The following FAM227A variants were observed in gnomAD, a reference collection of about 807,000 sequenced individuals.
FAM227A encodes family with sequence similarity 227 member A.
FAM227A carries 80 observed loss-of-function variants against 74.7 expected under a neutral mutation model. The observed-to-expected ratio is 1.07, with a 90% CI of 0.89 to 1.29. The LOEUF (loss-of-function observed/expected upper bound fraction) is 1.29. FAM227A is among the 50% of genes most tolerant of loss of function. The pLI is 0.00. For synonymous variants in FAM227A, 237 were observed against 241.8 expected (o/e 0.98, Z 0.19); for missense variants, 654 against 683.4 (o/e 0.96, Z 0.48).
Position 38,579,800 on chromosome 22 carries a change from C to T in FAM227A, c.*6325G>A, listed in dbSNP as rs748133411. On this transcript the variant is annotated 3_prime_UTR_variant, in exon 17 of 17. Coordinates refer to ENST00000535113, the MANE Select transcript of FAM227A (RefSeq NM_001013647.2). ...AAATATAACCATAATGCTATTATCA[C>T]GCCTAGAATAATTTTATATATAAAA... is the stretch of plus-strand genomic sequence containing the variant. 1.9e-4 allele frequency: 29 copies of T among 152,068 alleles called. No homozygotes were observed. Among genetic ancestry groups the T allele is most frequent in the African/African-American group, 4.3e-4 (18 of 41,408 alleles). 9.4% of individuals were successfully genotyped at this position (152,068 alleles called of 1,614,324 possible). A position where few individuals can be genotyped will look rare whatever the true frequency, so the allele number is the denominator to read the frequency against.
chr22:38,586,888 C>T (rs1015700593), intron 16 of FAM227A, among the ~76,000 whole-genome samples: 2 of 151,542 alleles, frequency 1.3e-5, no homozygotes, highest in African/African-American at 2.4e-5. Flanking sequence ...CTATGTTGAC[C>T]AAGATAGTCT....
intron 11 of FAM227A, 112 bp downstream of exon 11, chr22:38,620,100 A>C: frequency 1.4e-6 from 1 of 711,634 alleles, no homozygotes; most frequent in Admixed American, 2.7e-5. Flanking sequence ...GACCTGGGCA[A>C]GGGGTACAGA....
At chr22:38,623,421 T>A in intron 9 of FAM227A, 142 bp from the exon 10 acceptor site, 1 of 568,946 alleles carries the variant, frequency 1.8e-6, no homozygotes, top group Non-Finnish European at 3.2e-6. Flanking sequence ...CCGTCTCTAT[T>A]TAAAAAGAAA....
chr22:38,626,435 A>C (rs2091802136), intron 8 of FAM227A, 132 bp from the exon 9 acceptor site: 2 of 1,141,170 alleles, frequency 1.8e-6, no homozygotes, highest in Admixed American at 2.9e-5. Flanking sequence ...CAAGGTTCTC[A>C]CTGTGTTACC....
At chr22:38,655,360 T>C (rs2092378327) in intron 1 of FAM227A, among the ~76,000 whole-genome samples, 1 of 151,260 alleles carries the variant, frequency 6.6e-6, no homozygotes, top group Non-Finnish European at 1.5e-5. Context: ...TGAAACGCCA[T>C]CTCTACTAAA....
At chr22:38,610,334 G>T (rs2091385363) in intron 11 of FAM227A, among the ~76,000 whole-genome samples, 1 of 152,144 alleles carries the variant, frequency 6.6e-6, no homozygotes, top group African/African-American at 2.4e-5. Context: ...AACCTGGCAA[G>T]GCTCATTCTT....
intron 16 of FAM227A, among the ~76,000 whole-genome samples, chr22:38,589,181 T>C (rs566875283): frequency 4.6e-5 from 7 of 151,900 alleles, no homozygotes; most frequent in African/African-American, 7.3e-5. Flanking sequence ...GAGGCAGAGA[T>C]TGGAGTGAGG....
intron 16 of FAM227A, 168 bp downstream of exon 16, chr22:38,591,267 T>G: frequency 6.2e-6 from 8 of 1,284,776 alleles, no homozygotes; most frequent in East Asian, 3.0e-5. Flanking sequence ...GAGGCTGCAG[T>G]GAGCTATGAT....
chr22:38,619,571 G>A (rs2091644132), intron 11 of FAM227A, among the ~76,000 whole-genome samples: 1 of 152,196 alleles, frequency 6.6e-6, no homozygotes, highest in African/African-American at 2.4e-5. Context: ...TGATCTGCCT[G>A]CCTTGGGCTC....
At chr22:38,606,826 CCT>C (rs2091293896) in intron 12 of FAM227A, among the ~76,000 whole-genome samples, 1 of 152,140 alleles carries the variant, frequency 6.6e-6, no homozygotes, top group Non-Finnish European at 1.5e-5. Flanking sequence ...GTGTCAGTAA[CCT>C]CTCTTCCCCA....
intron 11 of FAM227A, among the ~76,000 whole-genome samples, chr22:38,619,947 G>A (rs2091652060): frequency 6.6e-6 from 1 of 152,186 alleles, no homozygotes; most frequent in African/African-American, 2.4e-5. Flanking sequence ...ATCTTGCACT[G>A]CAGCCTACAC....
intron 11 of FAM227A, among the ~76,000 whole-genome samples, chr22:38,611,317 T>C (rs2091409314): frequency 1.3e-5 from 2 of 152,218 alleles, no homozygotes; most frequent in East Asian, 3.9e-4. Flanking sequence ...AAATTTGAGC[T>C]ACTATGAGAT....
At chr22:38,613,209 T>C in intron 11 of FAM227A, among the ~76,000 whole-genome samples, 1 of 71,862 alleles carries the variant, frequency 1.4e-5, no homozygotes, top group Non-Finnish European at 2.4e-5. Flanking sequence ...ATATTATATA[T>C]ATCTATGCTG....
chr22:38,640,906 G>GTA (rs1275038186), intron 3 of FAM227A, among the ~76,000 whole-genome samples: 1 of 152,072 alleles, frequency 6.6e-6, no homozygotes, highest in African/African-American at 2.4e-5. Flanking sequence ...AGGGGTGTGT[G>GTA]TATGTGTGTG....
At chr22:38,630,427 C>T (rs545459236) in intron 6 of FAM227A, among the ~76,000 whole-genome samples, 13 of 152,344 alleles carry the variant, frequency 8.5e-5, no homozygotes, top group Admixed American at 8.5e-4. Flanking sequence ...TCAAATCCAG[C>T]TCTTTCACTT....
chr22:38,638,426 C>T (rs979519776), intron 5 of FAM227A, among the ~76,000 whole-genome samples: 1 of 152,202 alleles, frequency 6.6e-6, no homozygotes, highest in Non-Finnish European at 1.5e-5. Flanking sequence ...AGCAGCTGCA[C>T]AGGAGCCTGC....
intron 6 of FAM227A, among the ~76,000 whole-genome samples, chr22:38,634,410 T>C (rs144113357): frequency 6.6e-6 from 1 of 152,164 alleles, no homozygotes; most frequent in Admixed American, 6.5e-5. Context: ...CCTCTATTAT[T>C]GACCATTAAA....
intron 11 of FAM227A, among the ~76,000 whole-genome samples, chr22:38,619,739 G>T (rs932242069): frequency 6.6e-6 from 1 of 152,178 alleles, no homozygotes; most frequent in Non-Finnish European, 1.5e-5. Flanking sequence ...ACCTGAGGGA[G>T]ACCAGTTAGG....
At chr22:38,617,420 C>A (rs5757180) in intron 11 of FAM227A, among the ~76,000 whole-genome samples, 3 of 151,338 alleles carry the variant, frequency 2.0e-5, no homozygotes, top group African/African-American at 4.9e-5. Context: ...CTCAGTCTCC[C>A]GAGTAGCTGG....
Sources: gnomAD v4.1 joint callset for allele counts (sites outside exome capture counted in the v4.1 genomes callset) on GRCh38, gnomAD v4.1.1 for gene constraint, MANE v1.5 for transcripts, NCBI Gene and HGNC (gene_info 2026-07-23, HGNC 2026-07-21) for gene names.